Variants in ZNF711 observed in about 807,000 individuals in gnomAD.
ZNF711 encodes zinc finger protein 711.
ZNF711 carries 3 observed loss-of-function variants against 43.5 expected under a neutral mutation model. The observed-to-expected ratio is 0.07, with a 90% CI of 0.03 to 0.18. The LOEUF is 0.18. ZNF711 is among the 10% of genes least tolerant of loss of function. The pLI is 1.00. For synonymous variants in ZNF711, 209 were observed against 207.7 expected (o/e 1.01, Z -0.06); for missense variants, 412 against 604.0 (o/e 0.68, Z 3.33).
chrX:85,271,663 G>A lies in ZNF711; in HGVS notation c.2259G>A (p.Glu753=). 1 of 1,210,018 alleles carries A rather than the reference G, an allele frequency of 8.3e-7. No homozygotes were observed. Among genetic ancestry groups the A allele is most frequent in the Non-Finnish European group, 1.1e-6 (1 of 894,533 alleles). Residue 753 remains glutamate (E), a synonymous_variant, in exon 11 of 11, where the codon GAG becomes GAA. Coordinates refer to ENST00000674551, the MANE Select transcript of ZNF711 (RefSeq NM_001330574.2). The stretch of plus-strand genomic sequence containing the variant: ...CTGGAAGGAAGATTTACCAATGTGA[G>A]TATTGTGAATACAGCACTACAGATG... ...THTGRKIYQC[E]YCEYSTTDAS...
chrX:85,271,022 C>T lies in ZNF711; in HGVS notation c.1618C>T (p.His540Tyr). ...TGCAGAACAAGGACTGTTAAACAGG[C>T]ATTTGTTGGCCGTTCACAGCAAGAA... ...ETAEQGLLNRHLLAVHSKNFP... is the reference protein window; with the variant it reads ...ETAEQGLLNRYLLAVHSKNFP... The change falls in exon 11 of 11, where the codon CAT becomes TAT. Residue 540 changes from histidine (H) to tyrosine (Y), a missense_variant. Physicochemically the swap from His to Tyr is moderately conservative, Grantham distance 83 (BLOSUM62 2). Coordinates refer to ENST00000674551, the MANE Select transcript of ZNF711 (RefSeq NM_001330574.2). 1 of 1,210,957 alleles carries T rather than the reference C, an allele frequency of 8.3e-7. No homozygotes were observed. The highest frequency in any genetic ancestry group is 1.1e-6 in the Non-Finnish European group (1 of 895,186).
chrX:85,250,592 A>G (rs995853243), intron 4 of ZNF711, among the ~76,000 whole-genome samples: 11 of 111,528 alleles, frequency 9.9e-5, no homozygotes, highest in Non-Finnish European at 1.9e-4. Context: ...TTTTCAAATG[A>G]TGCATTCTTT....
In ZNF711 at chrX:85,255,557, G is replaced by C. The variant is rs1483335085; in HGVS notation, c.378G>C (p.Glu126Asp). 1.7e-6 allele frequency: 2 copies of C among 1,211,853 alleles called. No homozygotes were observed. The highest frequency in any genetic ancestry group is 2.2e-6 in the Non-Finnish European group (2 of 895,544). The change falls in exon 5 of 11, where the codon GAG becomes GAC. Residue 126 changes from glutamate to aspartate, a missense_variant. Transcript: ENST00000674551. ...ELITETVRVP[E>D]QVFVADLVTG... ...TTACAGAAACCGTTAGGGTACCAGA[G>C]CAGGTTTTCGTGGCTGACCTTGTTA...
intron 9 of ZNF711, among the ~76,000 whole-genome samples, chrX:85,269,789 A>G (rs1931415988): frequency 1.8e-5 from 2 of 111,967 alleles, no homozygotes; most frequent in African/African-American, 6.5e-5. Flanking sequence ...TTCACATGAT[A>G]TCCTATTCAA....
intron 8 of ZNF711, among the ~76,000 whole-genome samples, 162 bp downstream of exon 8, chrX:85,267,577 C>G (rs748746461): frequency 8.9e-6 from 1 of 111,805 alleles, no homozygotes; most frequent in Admixed American, 9.5e-5. Context: ...GATGATTTTT[C>G]TACCACATAC....
chrX:85,260,614 C>A (rs1456890128), intron 5 of ZNF711, among the ~76,000 whole-genome samples: 1 of 72,817 alleles, frequency 1.4e-5, no homozygotes, highest in Admixed American at 1.3e-4. Context: ...AGCCCCCCCC[C>A]CATCCACTCT....
At chrX:85,269,697 T>C (rs966276480) in intron 9 of ZNF711, among the ~76,000 whole-genome samples, 9 of 112,090 alleles carry the variant, frequency 8.0e-5, no homozygotes, top group African/African-American at 2.9e-4. Flanking sequence ...TTATATTACA[T>C]TCATCTTATC....
intron 5 of ZNF711, among the ~76,000 whole-genome samples, chrX:85,257,962 G>A (rs1186956931): frequency 8.9e-6 from 1 of 112,963 alleles, no homozygotes; most frequent in African/African-American, 3.2e-5. Flanking sequence ...AACCACTATG[G>A]AAAACAGTGT....
In ZNF711 at chrX:85,271,594, A is replaced by G. The variant is rs1931575990; in HGVS notation, c.2190A>G (p.Gly730=). 8.3e-7 allele frequency: 1 copy of G among 1,209,441 alleles called. No homozygotes were observed. Among genetic ancestry groups the G allele is most frequent in the Admixed American group, 2.2e-5 (1 of 45,683 alleles). ...QPLKCKRCKR[G]FRQQNELKKH... ...TGAAATGTAAAAGGTGCAAGAGAGG[A>G]TTCAGACAACAAAATGAGCTAAAAA... is the stretch of plus-strand genomic sequence containing the variant. The change falls in exon 11 of 11, where the codon GGA becomes GGG. Residue 730 remains glycine (G), a synonymous_variant. Coordinates refer to ENST00000674551, the MANE Select transcript of ZNF711 (RefSeq NM_001330574.2).
chrX:85,247,842 G>T (rs775479979), intron 4 of ZNF711, among the ~76,000 whole-genome samples, 191 bp downstream of exon 4: 1 of 111,286 alleles, frequency 9.0e-6, no homozygotes, highest in Admixed American at 9.5e-5. Flanking sequence ...CAATTTAGGG[G>T]AAGGTTGTGT....
chrX:85,262,974 A>G (rs1299623021), intron 5 of ZNF711, among the ~76,000 whole-genome samples: 1 of 110,201 alleles, frequency 9.1e-6, no homozygotes, highest in Non-Finnish European at 1.9e-5. Context: ...ATGTCACTTT[A>G]TTCTGTTTTT....
rs1931514259 is a variant in ZNF711 at position 85,270,806 on chromosome X, A to G, written c.1402A>G (p.Thr468Ala). Residue 468 changes from threonine (T) to alanine (A), a missense_variant, in exon 11 of 11, where the codon ACA becomes GCA. Thr to Ala is a moderately conservative substitution (Grantham distance 58). Around this residue, in one of 4 missense-constraint regions of ZNF711, gnomAD observed 375 missense variants for 514.2 expected, o/e 0.73. Coordinates refer to ENST00000674551, the MANE Select transcript of ZNF711 (RefSeq NM_001330574.2). ...ATATCAGTGTACAGATTGTGACTTT[A>G]CAACTAACAAGAAAGTGAGTTTCCA... is the stretch of plus-strand genomic sequence containing the variant. The part of the protein sequence containing the change: ...KKYQCTDCDF[T>A]TNKKVSFHNH... 8.3e-7 allele frequency: 1 copy of G among 1,203,437 alleles called. No individual in the cohort carries two copies. The highest frequency in any genetic ancestry group is 1.8e-5 in the South Asian group (1 of 55,906).
At chrX:85,253,467 A>G (rs994846576) in intron 4 of ZNF711, among the ~76,000 whole-genome samples, 1 of 111,271 alleles carries the variant, frequency 9.0e-6, no homozygotes, top group African/African-American at 3.3e-5. Context: ...CTCACAAGCA[A>G]TAGAGCAAAG....
intron 9 of ZNF711, among the ~76,000 whole-genome samples, chrX:85,269,029 G>A (rs1367004048): frequency 9.0e-6 from 1 of 111,437 alleles, no homozygotes; most frequent in Non-Finnish European, 1.9e-5. Context: ...AACCACAATG[G>A]ATTTTTGATA....
chrX:85,260,140 A>G (rs376131014), intron 5 of ZNF711, among the ~76,000 whole-genome samples: 1 of 111,375 alleles, frequency 9.0e-6, no homozygotes, highest in African/African-American at 3.3e-5. Context: ...TCCCATATCT[A>G]CTGCAATGAT....
chrX:85,268,454 C>A, intron 9 of ZNF711, 113 bp downstream of exon 9: 4 of 851,866 alleles, frequency 4.7e-6, no homozygotes, highest in Non-Finnish European at 6.7e-6. Context: ...CTCTTACTTG[C>A]TTAGTCATAC....
In ZNF711 at chrX:85,271,511, T is replaced by C. The variant is rs1931568367; in HGVS notation, c.2107T>C (p.Ser703Pro). The change falls in exon 11 of 11, where the codon TCC becomes CCC. Residue 703 changes from serine (S) to proline (P), a missense_variant. Ser to Pro is a moderately conservative substitution (Grantham distance 74). Coordinates refer to ENST00000674551, the MANE Select transcript of ZNF711 (RefSeq NM_001330574.2). The part of the protein sequence containing the change: ...HQCRHCDFKT[S>P]DPFILSGHIL... ...GTGCAGGCACTGTGACTTTAAAACATCCGATCCATTTATTCTTAGTGGCCA... is the reference window on the plus strand; with the variant it reads ...GTGCAGGCACTGTGACTTTAAAACACCCGATCCATTTATTCTTAGTGGCCA... 1.7e-6 allele frequency: 2 copies of C among 1,211,276 alleles called. No individual in the cohort carries two copies. Among genetic ancestry groups the C allele is most frequent in the Non-Finnish European group, 2.2e-6 (2 of 895,246 alleles).
chrX:85,253,781 A>C (rs1000682712), intron 4 of ZNF711, among the ~76,000 whole-genome samples: 6 of 104,709 alleles, frequency 5.7e-5, no homozygotes, highest in Non-Finnish European at 1.1e-4. Context: ...ACACACACAC[A>C]CACACACACA....
chrX:85,264,027 A>G (rs756047752), intron 5 of ZNF711, among the ~76,000 whole-genome samples: 3 of 110,548 alleles, frequency 2.7e-5, no homozygotes, highest in Non-Finnish European at 5.7e-5. Context: ...TCCAATAGAT[A>G]AATTTTCAAA....
Sources: allele counts gnomAD v4.1 joint callset (sites outside exome capture counted in the v4.1 genomes callset), GRCh38; gene constraint gnomAD v4.1.1; regional missense constraint gnomAD v4.1.1; transcripts MANE v1.5; gene names NCBI Gene and HGNC (gene_info 2026-07-23, HGNC 2026-07-21).